The following XPR1 variants were observed in gnomAD, a reference collection of about 807,000 sequenced individuals.
The protein encoded by XPR1 is xenotropic and polytropic retrovirus receptor 1.
A neutral mutation model predicts 87.5 loss-of-function variants in XPR1; 28 were observed. That is an observed-to-expected ratio of 0.32 (90% CI 0.24 to 0.44). The LOEUF is 0.44. Among genes scored for constraint, XPR1 ranks in the 20% least tolerant of loss-of-function variants. The pLI is 1.00. For missense variants in XPR1, 559 were observed against 862.3 expected (o/e 0.65, Z 4.41); for synonymous variants, 300 against 306.1 (o/e 0.98, Z 0.21).
chr1:180,640,899 CT>C (rs1654941778), intron 1 of XPR1, among the ~76,000 whole-genome samples: 2 of 152,254 alleles, frequency 1.3e-5, no homozygotes, highest in East Asian at 3.9e-4. Context: ...TTGTAAGGAA[CT>C]TTTAAGCTTA....
At chr1:180,760,056 T>G (rs1557994017) in intron 2 of XPR1, among the ~76,000 whole-genome samples, 1 of 152,144 alleles carries the variant, frequency 6.6e-6, no homozygotes, top group East Asian at 1.9e-4. Flanking sequence ...TTTGACAAAA[T>G]TCAGCAACCC....
At chr1:180,734,826 A>G (rs929104609) in intron 2 of XPR1, among the ~76,000 whole-genome samples, 3 of 152,208 alleles carry the variant, frequency 2.0e-5, no homozygotes, top group African/African-American at 4.8e-5. Flanking sequence ...GTCAAGAACT[A>G]TGAGTGGTCA....
chr1:180,804,275 C>T (rs1043222687), intron 4 of XPR1, among the ~76,000 whole-genome samples: 6 of 152,152 alleles, frequency 3.9e-5, no homozygotes, highest in Non-Finnish European at 7.3e-5. Context: ...TGCTCCCAGC[C>T]TGTAAGGGCT....
At chr1:180,840,538 G>C (rs192442923) in intron 11 of XPR1, among the ~76,000 whole-genome samples, 200 of 125,804 alleles carry the variant, frequency 1.6e-3, no homozygotes, top group Non-Finnish European at 2.0e-3. Context: ...ATATTTGTGT[G>C]TGTGTGTGTG....
chr1:180,830,124 C>T (rs1442794791), intron 9 of XPR1, among the ~76,000 whole-genome samples: 1 of 152,108 alleles, frequency 6.6e-6, no homozygotes, highest in African/African-American at 2.4e-5. Context: ...ACTTTGAATC[C>T]TTTAAGTCCA....
chr1:180,638,477 A>G (rs1421813782), intron 1 of XPR1, among the ~76,000 whole-genome samples: 3 of 152,060 alleles, frequency 2.0e-5, no homozygotes, highest in African/African-American at 4.8e-5. Context: ...TGCCCAGTGT[A>G]TTTGCCTTTT....
intron 13 of XPR1, among the ~76,000 whole-genome samples, chr1:180,875,945 G>A (rs1444362795): frequency 6.6e-6 from 1 of 151,970 alleles, no homozygotes; most frequent in Non-Finnish European, 1.5e-5. Context: ...AAATTTAGAT[G>A]AATGGACAAA....
In XPR1 at chr1:180,884,642, G is replaced by A. The variant is rs1257919977; in HGVS notation, c.*576G>A. 6.6e-6 allele frequency: 1 copy of A among 152,642 alleles called. No homozygotes were observed. The highest frequency in any genetic ancestry group is 2.4e-5 in the African/African-American group (1 of 41,442). The allele number at this position is 152,642 out of a possible 1,614,324, so 9.5% of individuals were successfully genotyped here. A position where few individuals can be genotyped will look rare whatever the true frequency, so the allele number is the denominator to read the frequency against. On this transcript the variant is annotated 3_prime_UTR_variant, in exon 15 of 15. Coordinates refer to ENST00000367590, the MANE Select transcript of XPR1 (RefSeq NM_004736.4). ...AACTTTTCTTATTTTGGGAAGGGTT[G>A]CTGGGTGGGTGGGAAATATGATGTA...
chr1:180,655,165 T>G (rs911243356), intron 1 of XPR1, among the ~76,000 whole-genome samples: 1 of 152,196 alleles, frequency 6.6e-6, no homozygotes, highest in Non-Finnish European at 1.5e-5. Flanking sequence ...TGCACTTCCC[T>G]AATGATTAGT....
chr1:180,798,703 T>C (rs557019574), intron 3 of XPR1, among the ~76,000 whole-genome samples: 3 of 152,252 alleles, frequency 2.0e-5, no homozygotes, highest in Middle Eastern at 3.4e-3. Context: ...AACCTCCACC[T>C]CCTGAGTTCA....
At chr1:180,846,717 G>A (rs1221522166) in intron 11 of XPR1, among the ~76,000 whole-genome samples, 1 of 152,046 alleles carries the variant, frequency 6.6e-6, no homozygotes, top group Non-Finnish European at 1.5e-5. Flanking sequence ...AAAGTGTTGG[G>A]ATTACAGGTG....
intron 7 of XPR1, among the ~76,000 whole-genome samples, chr1:180,817,333 G>A (rs916661368): frequency 6.6e-6 from 1 of 151,998 alleles, no homozygotes; most frequent in Non-Finnish European, 1.5e-5. Flanking sequence ...TGTAGCCTAA[G>A]TGTACAATGT....
At chr1:180,689,849 C>CT (rs1183294142) in intron 2 of XPR1, among the ~76,000 whole-genome samples, 6 of 152,078 alleles carry the variant, frequency 3.9e-5, no homozygotes, top group Non-Finnish European at 8.8e-5. Flanking sequence ...AAATCTAAAA[C>CT]TATTCTAAGG....
chr1:180,785,683 G>A (rs10914107), intron 2 of XPR1, among the ~76,000 whole-genome samples: 58,592 of 151,634 alleles, frequency 0.39, 11,831 homozygotes, highest in African/African-American at 0.42. Flanking sequence ...AGCTATGTTT[G>A]AATCATTTTG....
intron 2 of XPR1, among the ~76,000 whole-genome samples, chr1:180,764,151 A>G (rs1417471263): frequency 6.6e-6 from 1 of 152,206 alleles, no homozygotes; most frequent in Non-Finnish European, 1.5e-5. Context: ...GATCATTTAC[A>G]TGGGTGGCTG....
chr1:180,815,547 G>A (rs76138083), intron 7 of XPR1, among the ~76,000 whole-genome samples: 6,541 of 152,120 alleles, frequency 0.043, 504 homozygotes, highest in African/African-American at 0.15. Context: ...ATTAAAAAAT[G>A]TGCATAATTG....
intron 9 of XPR1, among the ~76,000 whole-genome samples, chr1:180,828,808 T>C (rs2102157774): frequency 6.6e-6 from 1 of 152,316 alleles, no homozygotes; most frequent in Non-Finnish European, 1.5e-5. Flanking sequence ...TTATAATCTG[T>C]ACTCTTAAAC....
chr1:180,728,297 T>TG (rs55806284), intron 2 of XPR1, among the ~76,000 whole-genome samples: 40,842 of 93,736 alleles, frequency 0.44, 8,349 homozygotes, highest in Non-Finnish European at 0.49. Flanking sequence ...TGTTTATAAC[T>TG]GGGGGGGGGG....
At chr1:180,857,752 C>T (rs149398281) in intron 11 of XPR1, among the ~76,000 whole-genome samples, 5 of 151,968 alleles carry the variant, frequency 3.3e-5, no homozygotes, top group African/African-American at 1.2e-4. Context: ...GTTAGGTTAC[C>T]CAGTAGACAT....
Sources: allele counts gnomAD v4.1 joint callset (sites outside exome capture counted in the v4.1 genomes callset), GRCh38; gene constraint gnomAD v4.1.1; transcripts MANE v1.5; gene names NCBI Gene and HGNC (gene_info 2026-07-23, HGNC 2026-07-21).